The following SAMD12 variants were observed in gnomAD, a reference collection of about 807,000 sequenced individuals.
SAMD12 encodes the protein sterile alpha motif domain containing 12.
SAMD12 carries 9 observed loss-of-function variants against 15.0 expected under a neutral mutation model. That is an observed-to-expected ratio of 0.60 (90% CI 0.36 to 1.05). The LOEUF (loss-of-function observed/expected upper bound fraction) is 1.05, where lower values mean the gene tolerates loss of function less well. Ranked by LOEUF, SAMD12 falls within the 50% of genes least tolerant of loss-of-function variation. The pLI is 0.01. For synonymous variants in SAMD12, 86 were observed against 90.1 expected (o/e 0.96, Z 0.25); for missense variants, 230 against 234.2 (o/e 0.98, Z 0.12).
chr8:118,385,068 A>G (rs1301551197), intron 3 of SAMD12, among the ~76,000 whole-genome samples: 2 of 152,164 alleles, frequency 1.3e-5, no homozygotes, highest in Non-Finnish European at 2.9e-5. Context: ...AAGCTTGAGC[A>G]TACATAGAAA....
At chr8:118,523,884 T>C (rs1447639229) in intron 2 of SAMD12, among the ~76,000 whole-genome samples, 1 of 152,134 alleles carries the variant, frequency 6.6e-6, no homozygotes, top group Non-Finnish European at 1.5e-5. Context: ...CTCACCTGTC[T>C]TGTCCCTGAA....
intron 4 of SAMD12, among the ~76,000 whole-genome samples, chr8:118,249,703 A>G (rs759655434): frequency 6.6e-6 from 1 of 152,186 alleles, no homozygotes; most frequent in Non-Finnish European, 1.5e-5. Context: ...AAGACATGCA[A>G]TAATTCCAGG....
downstream of SAMD12, among the ~76,000 whole-genome samples, chr8:118,187,629 G>A (rs938415709): frequency 6.6e-6 from 1 of 152,128 alleles, no homozygotes. Context: ...TAGCTACAAT[G>A]TTTACCCCAG....
At chr8:118,156,268 C>T in the SAMD12 span, among the ~76,000 whole-genome samples, 1 of 152,106 alleles carries the variant, frequency 6.6e-6, no homozygotes, top group African/African-American at 2.4e-5. Context: ...ACAACTCAAG[C>T]CAACACAGAA....
At chr8:118,552,414 C>T (rs1826366969) in intron 2 of SAMD12, among the ~76,000 whole-genome samples, 1 of 151,926 alleles carries the variant, frequency 6.6e-6, no homozygotes, top group Non-Finnish European at 1.5e-5. Context: ...TAAACAGAAC[C>T]AAAGACAAAA....
chr8:118,462,277 G>A (rs1428297545), intron 2 of SAMD12, among the ~76,000 whole-genome samples: 1 of 152,174 alleles, frequency 6.6e-6, no homozygotes, highest in Non-Finnish European at 1.5e-5. Context: ...CCTGCACAAA[G>A]TAAAGGATAT....
In SAMD12 at chr8:118,253,123, G is replaced by A. The variant is rs553466762; in HGVS notation, c.434-55391C>T. 5.3e-5 allele frequency among the ~76,000 whole-genome samples: 8 copies of A among 152,258 alleles called. 1 individual carries two copies. The South Asian group carries it at 1.7e-3, about 32-fold the overall frequency. On this transcript the variant is annotated intron_variant, in intron 4 of 4. Transcript: ENST00000409003. The stretch of plus-strand genomic sequence containing the variant: ...TTTAGTGAGAGATGGAACACTGTCT[G>A]GATATTTCTTCATGAGCCAGCTAAA...
intron 2 of SAMD12, among the ~76,000 whole-genome samples, chr8:118,491,509 C>T (rs1028188274): frequency 2.0e-5 from 3 of 152,058 alleles, no homozygotes; most frequent in Non-Finnish European, 4.4e-5. Flanking sequence ...TAGAGTAAAA[C>T]GTATAGATCC....
At chr8:118,181,788 G>A in the SAMD12 span, among the ~76,000 whole-genome samples, 3 of 152,196 alleles carry the variant, frequency 2.0e-5, no homozygotes, top group Admixed American at 6.5e-5. Context: ...AAAGAGTCCT[G>A]ACCAATGCCC....
intron 2 of SAMD12, among the ~76,000 whole-genome samples, chr8:118,511,876 C>T (rs1162176798): frequency 1.3e-5 from 2 of 152,124 alleles, no homozygotes; most frequent in Non-Finnish European, 2.9e-5. Context: ...GAACAAAGAG[C>T]CAGCCTTTTG....
chr8:118,569,269 ATTAT>A (rs1474157880), intron 2 of SAMD12, among the ~76,000 whole-genome samples: 1 of 152,194 alleles, frequency 6.6e-6, no homozygotes, highest in Non-Finnish European at 1.5e-5. Context: ...CATGCACAAA[ATTAT>A]TTAAAATATT....
chr8:118,482,152 T>C (rs898280190), intron 2 of SAMD12, among the ~76,000 whole-genome samples: 2 of 152,212 alleles, frequency 1.3e-5, no homozygotes, highest in Admixed American at 6.5e-5. Context: ...ATCTTTTTAA[T>C]TCAATAGGTG....
intron 4 of SAMD12, among the ~76,000 whole-genome samples, chr8:118,268,117 C>T (rs1813253650): frequency 6.6e-6 from 1 of 151,826 alleles, no homozygotes; most frequent in Admixed American, 6.6e-5. Context: ...AGAAAGAAAT[C>T]CTACAACATC....
intron 1 of SAMD12, among the ~76,000 whole-genome samples, chr8:118,620,345 G>A (rs187132389): frequency 1.7e-4 from 23 of 131,478 alleles, no homozygotes; most frequent in Non-Finnish European, 3.4e-4. Flanking sequence ...ACTTTATCTC[G>A]GCTTTTGTTT....
At chr8:118,338,808 AT>A (rs1437845583) in intron 4 of SAMD12, among the ~76,000 whole-genome samples, 5 of 152,174 alleles carry the variant, frequency 3.3e-5, no homozygotes, top group Non-Finnish European at 7.3e-5. Context: ...CTACCTAACA[AT>A]TTCCTGACAA....
chr8:118,231,689 T>C (rs1812312775), intron 4 of SAMD12, among the ~76,000 whole-genome samples: 2 of 152,152 alleles, frequency 1.3e-5, no homozygotes, highest in Admixed American at 6.5e-5. Context: ...TATTGTGTGT[T>C]AGGCACTGAG....
At chr8:118,535,723 C>A (rs1163303410) in intron 2 of SAMD12, among the ~76,000 whole-genome samples, 1 of 152,242 alleles carries the variant, frequency 6.6e-6, no homozygotes, top group South Asian at 2.1e-4. Context: ...GAGCAAGGCT[C>A]CATGAGCATG....
chr8:118,221,807 T>C (rs1038686523), intron 4 of SAMD12, among the ~76,000 whole-genome samples: 2 of 152,244 alleles, frequency 1.3e-5, no homozygotes, highest in African/African-American at 4.8e-5. Flanking sequence ...GCGGCAATTG[T>C]CAGAGTTGCC....
At chr8:118,201,470 A>T (rs1819712420) in intron 4 of SAMD12, among the ~76,000 whole-genome samples, 1 of 152,190 alleles carries the variant, frequency 6.6e-6, no homozygotes, top group Non-Finnish European at 1.5e-5. Context: ...AAAAACCCAC[A>T]ATGAACACTT....
Sources: allele counts gnomAD v4.1 joint callset (sites outside exome capture counted in the v4.1 genomes callset), GRCh38; gene constraint gnomAD v4.1.1; transcripts MANE v1.5; gene names NCBI Gene and HGNC (gene_info 2026-07-23, HGNC 2026-07-21).